CALCRL: variants seen among roughly 807,000 people sequenced by gnomAD.
CALCRL encodes the protein calcitonin receptor like receptor.
CALCRL carries 27 observed loss-of-function variants against 60.4 expected under a neutral mutation model. The observed-to-expected ratio is 0.45, with a 90% CI of 0.33 to 0.62. The LOEUF is 0.62. Ranked by LOEUF, CALCRL falls within the 20% of genes least tolerant of loss-of-function variation. CALCRL has a pLI of 0.03. For missense variants in CALCRL, 424 were observed against 540.7 expected, an observed-to-expected ratio of 0.78 and a Z score of 2.14; for synonymous variants, 190 against 182.6, an observed-to-expected ratio of 1.04 and a Z score of -0.33.
At chr2:187,409,817 C>G (rs202212336) in intron 1 of CALCRL, among the ~76,000 whole-genome samples, 1 of 152,074 alleles carries the variant, frequency 6.6e-6, no homozygotes. Context: ...GAGTCCTCAT[C>G]GACTAGGGAA....
At chr2:187,361,400 A>T (rs964645020) in intron 9 of CALCRL, among the ~76,000 whole-genome samples, 1 of 151,996 alleles carries the variant, frequency 6.6e-6, no homozygotes, top group Non-Finnish European at 1.5e-5. Flanking sequence ...AAGAAAACAC[A>T]AAAGAGTAAG....
intron 1 of CALCRL, among the ~76,000 whole-genome samples, chr2:187,420,580 G>A (rs928567508): frequency 2.6e-4 from 39 of 151,800 alleles, no homozygotes; most frequent in African/African-American, 8.7e-4. Context: ...CAACTTATTT[G>A]GAAGTCCAAA....
rs367741433 is a variant in CALCRL at position 187,346,257 on chromosome 2, C to A, written c.1313G>T (p.Ser438Ile). 5 of 1,612,148 alleles carry A rather than the reference C, an allele frequency of 3.1e-6. No individual in the cohort carries two copies. The African/African-American group carries it at 6.7e-5, about 22-fold the overall frequency. Residue 438 changes from serine (S) to isoleucine (I), a missense_variant, in exon 15 of 15, where the codon AGT (serine) becomes ATT (isoleucine). Ser to Ile is a moderately radical substitution (Grantham distance 142, BLOSUM62 -2). Around this residue, in one of 7 missense-constraint regions of CALCRL, gnomAD observed 222 missense variants for 265.6 expected, o/e 0.84. Transcript: ENST00000392370. ...GATGCTTTTTCCATTTAAGTGTTCA[C>A]TAGGACAGTCATGACTATAACCTGG... ...DGPGYSHDCP[S>I]EHLNGKSIHD...
intron 3 of CALCRL, among the ~76,000 whole-genome samples, chr2:187,386,615 A>G (rs1043160567): frequency 2.0e-5 from 3 of 152,190 alleles, no homozygotes; most frequent in Non-Finnish European, 2.9e-5. Flanking sequence ...TCTAAGAGAC[A>G]AGAAATGCTG....
At chr2:187,447,897 A>G (rs1691266599) in intron 1 of CALCRL, 142 bp downstream of exon 1, 1 of 151,980 alleles carries the variant, frequency 6.6e-6, no homozygotes, top group Admixed American at 6.6e-5. Flanking sequence ...AGTAGGCTGT[A>G]TTTTCTCTAG....
At chr2:187,383,778 A>T (rs1441949048) in intron 4 of CALCRL, among the ~76,000 whole-genome samples, 2 of 152,198 alleles carry the variant, frequency 1.3e-5, no homozygotes, top group African/African-American at 4.8e-5. Context: ...AAATACTTAC[A>T]ATGTATTGCC....
Position 187,359,267 on chromosome 2 carries a change from G to C in CALCRL, c.787C>G (p.Pro263Ala). The C allele has an allele frequency of 1.3e-6, 2 of 1,533,718 alleles. No homozygotes were observed. The highest frequency in any genetic ancestry group is 1.8e-6 in the Non-Finnish European group (2 of 1,139,184). Residue 263 changes from proline to alanine, a missense_variant, in exon 11 of 15, where the codon CCA (proline) becomes GCA (alanine). Pro to Ala is a conservative substitution (Grantham distance 27). Coordinates refer to ENST00000392370, the MANE Select transcript of CALCRL (RefSeq NM_005795.6). Reference protein sequence around the residue: ...MWYYFLGWGFPLIPACIHAIA... With the variant: ...MWYYFLGWGFALIPACIHAIA... The stretch of plus-strand genomic sequence containing the variant: ...GCATGTATACAAGCAGGAATCAGTG[G>C]AAATCCTGTAATAACAAAAAAAAAA...
intron 4 of CALCRL, among the ~76,000 whole-genome samples, 164 bp from the exon 5 acceptor site, chr2:187,383,469 C>A (rs1475704032): frequency 6.6e-6 from 1 of 152,110 alleles, no homozygotes; most frequent in South Asian, 2.1e-4. Flanking sequence ...TTTGCTATTT[C>A]CATGGTATAA....
chr2:187,417,969 C>G (rs761592905), intron 1 of CALCRL, among the ~76,000 whole-genome samples: 1 of 152,136 alleles, frequency 6.6e-6, no homozygotes, highest in Non-Finnish European at 1.5e-5. Flanking sequence ...TCATCAATAT[C>G]GCCTACATTT....
chr2:187,386,409 A>G (rs1324392441), intron 3 of CALCRL, among the ~76,000 whole-genome samples: 1 of 152,188 alleles, frequency 6.6e-6, no homozygotes, highest in Non-Finnish European at 1.5e-5. Context: ...TTTAATAGAA[A>G]TTATTCTTCA....
At chr2:187,409,484 T>G (rs1372517720) in intron 1 of CALCRL, among the ~76,000 whole-genome samples, 1 of 152,188 alleles carries the variant, frequency 6.6e-6, no homozygotes, top group Non-Finnish European at 1.5e-5. Context: ...ACAGCAACTG[T>G]CCAAAGCATA....
chr2:187,415,400 A>G (rs1047579526), intron 1 of CALCRL, among the ~76,000 whole-genome samples: 3 of 152,246 alleles, frequency 2.0e-5, no homozygotes, highest in Non-Finnish European at 4.4e-5. Context: ...AGCAAACAAA[A>G]TAAAACAAAC....
intron 1 of CALCRL, among the ~76,000 whole-genome samples, chr2:187,388,616 A>T (rs1274319043): frequency 6.6e-6 from 1 of 152,170 alleles, no homozygotes; most frequent in African/African-American, 2.4e-5. Flanking sequence ...ATGCAATTTA[A>T]TCTAACCTAA....
chr2:187,374,333 C>T (rs1371200068), intron 8 of CALCRL, among the ~76,000 whole-genome samples: 1 of 152,168 alleles, frequency 6.6e-6, no homozygotes, highest in Non-Finnish European at 1.5e-5. Flanking sequence ...AGTTTTGCTT[C>T]TCTCTTTTCA....
intron 1 of CALCRL, among the ~76,000 whole-genome samples, chr2:187,430,163 A>G (rs944579477): frequency 6.6e-6 from 1 of 152,206 alleles, no homozygotes; most frequent in Non-Finnish European, 1.5e-5. Context: ...ACAGTGAGTC[A>G]TGTGAAATGA....
chr2:187,415,861 C>G (rs1404561123), intron 1 of CALCRL: 1 of 308,188 alleles, frequency 3.2e-6, no homozygotes, highest in Non-Finnish European at 6.0e-6. Flanking sequence ...CCTGCACCAC[C>G]AGCCCCAGCA....
intron 1 of CALCRL, among the ~76,000 whole-genome samples, chr2:187,439,572 G>C (rs114169059): frequency 0.01 from 1,588 of 152,032 alleles, 21 homozygotes; most frequent in African/African-American, 0.037. Flanking sequence ...AGTATTACAG[G>C]AAAAAAGGAC....
intron 8 of CALCRL, among the ~76,000 whole-genome samples, chr2:187,371,437 T>A (rs1027444137): frequency 6.6e-6 from 1 of 152,028 alleles, no homozygotes; most frequent in African/African-American, 2.4e-5. Flanking sequence ...GATGACTACT[T>A]TTGAACTCAG....
chr2:187,405,402 C>T (rs557028604), intron 1 of CALCRL, among the ~76,000 whole-genome samples: 38 of 151,994 alleles, frequency 2.5e-4, no homozygotes, highest in Non-Finnish European at 4.4e-4. Context: ...GTTTTCTCAC[C>T]AATACTAATT....
Sources: allele counts gnomAD v4.1 joint callset (sites outside exome capture counted in the v4.1 genomes callset), GRCh38; gene constraint gnomAD v4.1.1; regional missense constraint gnomAD v4.1.1; transcripts MANE v1.5; gene names NCBI Gene and HGNC (gene_info 2026-07-23, HGNC 2026-07-21).